Variants in ABHD6 observed in about 807,000 individuals in gnomAD.
ABHD6 encodes the protein monoacylglycerol lipase ABHD6.
In ABHD6, 33 loss-of-function variants were observed where a neutral mutation model predicts 38.8. The observed-to-expected ratio is 0.85, with a 90% confidence interval of 0.64 to 1.14. The LOEUF is 1.14. Ranked by LOEUF, ABHD6 falls within the 50% of genes most tolerant of loss-of-function variation. The probability of loss-of-function intolerance (pLI) is 0.00; values close to 1 mark genes in which losing one functional copy is unlikely to be tolerated. For synonymous variants in ABHD6, 147 were observed against 161.6 expected, an observed-to-expected ratio of 0.91 and a Z score of 0.69; for missense variants, 380 against 422.6, an observed-to-expected ratio of 0.90 and a Z score of 0.88.
At chr3:58,292,052 G>A (rs930340278) in intron 9 of ABHD6, among the ~76,000 whole-genome samples, 1 of 152,228 alleles carries the variant, frequency 6.6e-6, no homozygotes, top group Non-Finnish European at 1.5e-5. Flanking sequence ...CACAGTAGCT[G>A]GGTGTTATTC....
rs1219730856 is a variant in ABHD6 at position 58,251,433 on chromosome 3, A to T, written c.-26+1491A>T. 1.3e-5 allele frequency among the ~76,000 whole-genome samples: 2 copies of T among 152,214 alleles called. No individual in the cohort carries two copies. The highest frequency in any genetic ancestry group is 2.9e-5 in the Non-Finnish European group (2 of 68,040). On this transcript the variant is annotated intron_variant, in intron 2 of 9. Coordinates refer to ENST00000478253, the MANE Select transcript of ABHD6 (RefSeq NM_001320126.2). This position sits in a 1 kb window ranked among gnomAD's most constrained non-coding sequence, Gnocchi z 5.4. ...GTTGTTTATTCTTGGATTTTACTTTATACCCTGAAGACTAAGATATTGGAA... is the reference window on the plus strand; with the variant it reads ...GTTGTTTATTCTTGGATTTTACTTTTTACCCTGAAGACTAAGATATTGGAA...
rs1170942284 is a variant in ABHD6, at chr3:58,257,540, T to C, written c.119+835T>C. 1.9e-4 allele frequency among the ~76,000 whole-genome samples: 29 copies of C among 152,058 alleles called. No individual in the cohort carries two copies. Among genetic ancestry groups the C allele is most frequent in the Admixed American group, 1.9e-3 (29 of 15,250 alleles). On this transcript the variant is annotated intron_variant, in intron 3 of 9. Transcript: ENST00000478253. This position sits in a 1 kb window ranked among gnomAD's most constrained non-coding sequence, Gnocchi z 4.8. ...ACCATGCCTAGCTAATTTTTATATTTTTAGTAGAGACAGGCTTTTGCCGTA... is the reference window on the plus strand; with the variant it reads ...ACCATGCCTAGCTAATTTTTATATTCTTAGTAGAGACAGGCTTTTGCCGTA...
intron 7 of ABHD6, among the ~76,000 whole-genome samples, chr3:58,279,112 T>C (rs944656398): frequency 6.6e-6 from 1 of 152,208 alleles, no homozygotes; most frequent in Non-Finnish European, 1.5e-5. Flanking sequence ...AGATGTCTAT[T>C]AGGTCTGCTT....
rs553797968 is a variant in ABHD6 at position 58,278,334 on chromosome 3, G to T, written c.681+3519G>T. 3.9e-5 allele frequency among the ~76,000 whole-genome samples: 6 copies of T among 152,328 alleles called. No homozygotes were observed. In the South Asian group the frequency reaches 6.2e-4, roughly 16 times the overall value. ...TTCTTCCTGGTTTAGTCTTGGGAGGGTGTATGTGTCCAGGATTTATCCATT... is the reference window on the plus strand; with the variant it reads ...TTCTTCCTGGTTTAGTCTTGGGAGGTTGTATGTGTCCAGGATTTATCCATT... On this transcript the variant is annotated intron_variant, in intron 7 of 9. Transcript: ENST00000478253.
rs1454962346 is a variant in ABHD6, at chr3:58,270,994, C to G, written c.453C>G (p.Gly151=). The G allele has an allele frequency of 6.2e-7, 1 of 1,612,962 alleles. No homozygotes were observed. Among genetic ancestry groups the G allele is most frequent in the Admixed American group, 1.7e-5 (1 of 59,644 alleles). ...ACCTGGTAGGCACCTCCATGGGTGG[C>G]CAGGTGGCTGGGGTGTATGCTGCTT... ...PFHLVGTSMG[G]QVAGVYAAYY... is the part of the protein sequence containing the mutation. The change falls in exon 6 of 10, where the codon GGC becomes GGG. Residue 151 remains glycine, a synonymous_variant. Coordinates refer to ENST00000478253, the MANE Select transcript of ABHD6 (RefSeq NM_001320126.2).
At chr3:58,275,154 T>C (rs112911431) in intron 7 of ABHD6, among the ~76,000 whole-genome samples, 56 of 152,260 alleles carry the variant, frequency 3.7e-4, no homozygotes, top group African/African-American at 1.2e-3. Context: ...TTGATAAGCC[T>C]CTTCTAGGGA....
In ABHD6 at chr3:58,285,012, T is replaced by G. The variant is rs999860779; in HGVS notation, c.682-73T>G. Reference sequence around the variant, plus strand: ...ATTGCTGGACCTCATTCCCATTCATTGTCCCAGAGCTGTGAGAGGCCTGAG... The same window carrying G: ...ATTGCTGGACCTCATTCCCATTCATGGTCCCAGAGCTGTGAGAGGCCTGAG... On this transcript the variant is annotated intron_variant, in intron 7 of 9. Transcript: ENST00000478253. This position sits in a 1 kb window ranked among gnomAD's most constrained non-coding sequence, Gnocchi z 4.9. 2.8e-6 allele frequency: 4 copies of G among 1,416,674 alleles called. No homozygotes were observed. In the African/African-American group the frequency reaches 5.6e-5, roughly 20 times the overall value. 87.8% of individuals were successfully genotyped at this position (1,416,674 alleles called of 1,614,324 possible). A position where few individuals can be genotyped will look rare whatever the true frequency, so the allele number is the denominator to read the frequency against.
Position 58,291,874 on chromosome 3 carries a change from C to T in ABHD6, c.838-1715C>T, listed in dbSNP as rs190703984. Among the ~76,000 whole-genome samples the T allele has an allele frequency of 5.7e-4, 86 of 152,184 alleles. 2 individuals carry two copies. Among genetic ancestry groups the T allele is most frequent in the Admixed American group, 2.2e-3 (34 of 15,284 alleles). On this transcript the variant is annotated intron_variant, in intron 9 of 9. Coordinates refer to ENST00000478253, the MANE Select transcript of ABHD6 (RefSeq NM_001320126.2). ...CTGAGGTGGGAGGATCACTTGAGCC[C>T]GGGAGGTCAAGGCTGCAGTGAGCCA...
At position 58,267,945 on chromosome 3, in the gene ABHD6, C is replaced by T. The variant is rs2097442290; in HGVS notation, c.276+600C>T. Among the ~76,000 whole-genome samples the T allele has an allele frequency of 6.6e-6, 1 of 152,086 alleles. No homozygotes were observed. The highest frequency in any genetic ancestry group is 1.5e-5 in the Non-Finnish European group (1 of 68,016). On this transcript the variant is annotated intron_variant, in intron 4 of 9. Transcript: ENST00000478253. The surrounding 1 kb of genome is among the most constrained non-coding windows in gnomAD (Gnocchi z 4.3). ...AAAATTAGCCAGGCATGGTGGCATG[C>T]ACCTGTAGTCCCAGCTACTTTGGAG...
At chr3:58,271,150 A>G (rs1301860668) in intron 6 of ABHD6, 86 bp downstream of exon 6, 9 of 1,431,534 alleles carry the variant, frequency 6.3e-6, no homozygotes, top group Non-Finnish European at 6.5e-6. Context: ...CGTTTTTTGG[A>G]ATCATCTTTT....
chr3:58,291,023 C>T (rs1473428856), intron 9 of ABHD6, among the ~76,000 whole-genome samples: 1 of 151,468 alleles, frequency 6.6e-6, no homozygotes, highest in East Asian at 2.0e-4. Context: ...GAGGCCAAGG[C>T]AGGCGGCTGG....
chr3:58,270,356 C>T (rs549560406), intron 5 of ABHD6, among the ~76,000 whole-genome samples: 1 of 152,258 alleles, frequency 6.6e-6, no homozygotes, highest in East Asian at 1.9e-4. Flanking sequence ...TTATTTAATA[C>T]ATATTACCTT....
Position 58,256,750 on chromosome 3 carries a change from T to G in ABHD6, c.119+45T>G. The G allele has an allele frequency of 7.1e-7, 1 of 1,400,258 alleles. No individual in the cohort carries two copies. Among genetic ancestry groups the G allele is most frequent in the Non-Finnish European group, 1.0e-6 (1 of 993,000 alleles). 86.7% of individuals were successfully genotyped at this position (1,400,258 alleles called of 1,614,324 possible). On this transcript the variant is annotated intron_variant, in intron 3 of 9. Transcript: ENST00000478253. This position sits in a 1 kb window ranked among gnomAD's most constrained non-coding sequence, Gnocchi z 4.3. ...GATGTTTTCAAGAGTATCATAATAT[T>G]GACATCTTCTCTGCTTGTCCTTTTT...
chr3:58,286,299 G>A (rs768923499), intron 9 of ABHD6, among the ~76,000 whole-genome samples: 27 of 151,850 alleles, frequency 1.8e-4, no homozygotes, highest in Non-Finnish European at 3.5e-4. Context: ...GATTACAGGC[G>A]TGAGCCACCA....
At position 58,263,104 on chromosome 3, in the gene ABHD6, A is replaced by G. The variant is rs1055315196; in HGVS notation, c.120-4085A>G. On this transcript the variant is annotated intron_variant, in intron 3 of 9. Coordinates refer to ENST00000478253, the MANE Select transcript of ABHD6 (RefSeq NM_001320126.2). The surrounding 1 kb of genome is among the most constrained non-coding windows in gnomAD (Gnocchi z 4.9). ...GCGCCTGTAGTCCCAGCTACTTGGG[A>G]GGCTGAAGTGGGAGAATCGTTTGAA... 2.0e-5 allele frequency among the ~76,000 whole-genome samples: 3 copies of G among 152,238 alleles called. No individual in the cohort carries two copies. The highest frequency in any genetic ancestry group is 2.0e-4 in the Admixed American group (3 of 15,280).
chr3:58,243,354 A>G (rs2097424150), intron 1 of ABHD6, among the ~76,000 whole-genome samples: 1 of 152,136 alleles, frequency 6.6e-6, no homozygotes, highest in South Asian at 2.1e-4. Context: ...TGTTCTTATC[A>G]CGAGATACAA....
At chr3:58,289,522 C>A (rs1474665298) in intron 9 of ABHD6, among the ~76,000 whole-genome samples, 1 of 151,282 alleles carries the variant, frequency 6.6e-6, no homozygotes, top group East Asian at 1.9e-4. Flanking sequence ...GTGGACACAG[C>A]ACATGTTTCA....
Position 58,271,766 on chromosome 3 carries a change from G to GTTT in ABHD6, c.523+724_523+726dup, listed in dbSNP as rs3038091. 2.3e-3 allele frequency among the ~76,000 whole-genome samples: 149 copies of GTTT among 63,634 alleles called. 5 individuals are homozygous for GTTT. Among genetic ancestry groups the GTTT allele is most frequent in the South Asian group, 5.0e-3 (6 of 1,210 alleles). 41.7% of individuals were successfully genotyped at this position (63,634 alleles called of 152,430 possible). A position where few individuals can be genotyped will look rare whatever the true frequency, so the allele number is the denominator to read the frequency against. On this transcript the variant is annotated intron_variant, in intron 6 of 9. Transcript: ENST00000478253. ...CTCTCCTCTATCTCCCCCTCTCTCTGTTTTTTTTTTTTTTTTTTTTTTTTG... is the reference window on the plus strand; with the variant it reads ...CTCTCCTCTATCTCCCCCTCTCTCTGTTTTTTTTTTTTTTTTTTTTTTTTTTTG...
In ABHD6 at chr3:58,269,511, AG is replaced by A; in HGVS notation, c.390+80del. The A allele has an allele frequency of 8.6e-7, 1 of 1,167,330 alleles. No individual in the cohort carries two copies. Among genetic ancestry groups the A allele is most frequent in the Non-Finnish European group, 1.3e-6 (1 of 794,956 alleles). The allele number at this position is 1,167,330 out of a possible 1,614,324, so 72.3% of individuals were successfully genotyped here. A position where few individuals can be genotyped will look rare whatever the true frequency, so the allele number is the denominator to read the frequency against. On this transcript the variant is annotated intron_variant, in intron 5 of 9. Transcript: ENST00000478253. This position sits in a 1 kb window ranked among gnomAD's most constrained non-coding sequence, Gnocchi z 4.4. ...CATGTCTGAGTCTGGAGAGCAGGGA[AG>A]GGAGTCCTGTGCTACCTCATGACCA...
Sources: allele counts gnomAD v4.1 joint callset (sites outside exome capture counted in the v4.1 genomes callset), GRCh38; gene constraint gnomAD v4.1.1; non-coding constraint Gnocchi (gnomAD v3.1); transcripts MANE v1.5; gene names NCBI Gene and HGNC (gene_info 2026-07-23, HGNC 2026-07-21).